KLHL1: variants seen among roughly 807,000 people sequenced by gnomAD.
KLHL1 encodes kelch-like protein 1.
A neutral mutation model predicts 77.7 loss-of-function variants in KLHL1; 47 were observed. The observed-to-expected ratio is 0.60, with a 90% CI of 0.48 to 0.77. The LOEUF is 0.77. KLHL1 is among the 30% of genes least tolerant of loss of function. The pLI, the probability that KLHL1 is intolerant of heterozygous loss-of-function variation, is 0.00. For synonymous variants in KLHL1, 360 were observed against 325.2 expected (o/e 1.11, Z -1.15); for missense variants, 925 against 910.8 (o/e 1.02, Z -0.20).
intron 1 of KLHL1, among the ~76,000 whole-genome samples, chr13:70,072,364 A>C (rs1593720292): frequency 6.6e-6 from 1 of 152,286 alleles, no homozygotes; most frequent in East Asian, 1.9e-4. Context: ...CTAAATAGTT[A>C]AGGTAGAAAT....
chr13:70,099,830 T>G (rs1443509976), intron 1 of KLHL1, among the ~76,000 whole-genome samples: 1 of 152,002 alleles, frequency 6.6e-6, no homozygotes, highest in Non-Finnish European at 1.5e-5. Context: ...GTTGTTAAAT[T>G]TTTTATATGG....
chr13:70,029,414 T>C (rs1056963235), intron 1 of KLHL1, among the ~76,000 whole-genome samples: 1 of 152,204 alleles, frequency 6.6e-6, no homozygotes. Flanking sequence ...ATTTCAGATG[T>C]TAGCTTCAGC....
intron 6 of KLHL1, among the ~76,000 whole-genome samples, chr13:69,815,066 A>C (rs542074821): frequency 2.7e-4 from 41 of 152,304 alleles, no homozygotes; most frequent in African/African-American, 8.9e-4. Context: ...CATATTGACA[A>C]GATTATGAAG....
chr13:69,945,296 C>A (rs1471137983), intron 3 of KLHL1, among the ~76,000 whole-genome samples: 1 of 151,790 alleles, frequency 6.6e-6, no homozygotes, highest in Non-Finnish European at 1.5e-5. Context: ...CATAACCAAA[C>A]TTTGTTAATT....
chr13:69,795,696 G>A (rs1208799335), intron 7 of KLHL1, among the ~76,000 whole-genome samples: 5 of 152,132 alleles, frequency 3.3e-5, no homozygotes, highest in African/African-American at 1.2e-4. Context: ...CCAAGGCTCA[G>A]TTTAAATGCT....
At chr13:69,931,048 C>T (rs901393561) in intron 4 of KLHL1, among the ~76,000 whole-genome samples, 3 of 147,980 alleles carry the variant, frequency 2.0e-5, no homozygotes, top group Admixed American at 2.0e-4. Flanking sequence ...TATATTCTTA[C>T]CCATATATCA....
intron 4 of KLHL1, among the ~76,000 whole-genome samples, chr13:69,935,148 T>C (rs1194244453): frequency 6.6e-6 from 1 of 151,658 alleles, no homozygotes; most frequent in African/African-American, 2.4e-5. Context: ...ATATCATTTC[T>C]ATTTTGTTCA....
At chr13:69,934,970 ATATATATATATATATATATG>A (rs1314319157) in intron 4 of KLHL1, among the ~76,000 whole-genome samples, 3 of 131,126 alleles carry the variant, frequency 2.3e-5, no homozygotes, top group East Asian at 2.1e-4. Flanking sequence ...GTGTATATAT[ATATATATATATATATATATG>A]TATATATATA....
At chr13:70,085,346 A>G (rs1887510585) in intron 1 of KLHL1, among the ~76,000 whole-genome samples, 2 of 152,174 alleles carry the variant, frequency 1.3e-5, no homozygotes, top group African/African-American at 4.8e-5. Flanking sequence ...TCATCACAAG[A>G]ACCAAAGTAC....
chr13:69,853,971 T>A (rs1029182352), intron 5 of KLHL1, among the ~76,000 whole-genome samples: 2 of 151,208 alleles, frequency 1.3e-5, no homozygotes, highest in Non-Finnish European at 2.9e-5. Flanking sequence ...TTCTCATAGA[T>A]TTATAAAACC....
At chr13:69,916,604 G>T (rs1379544467) in intron 4 of KLHL1, among the ~76,000 whole-genome samples, 1 of 152,040 alleles carries the variant, frequency 6.6e-6, no homozygotes, top group East Asian at 1.9e-4. Flanking sequence ...GTGGGGGGAA[G>T]GGGGAGGGAT....
At chr13:69,930,890 T>C (rs917204827) in intron 4 of KLHL1, among the ~76,000 whole-genome samples, 4 of 151,676 alleles carry the variant, frequency 2.6e-5, no homozygotes, top group Non-Finnish European at 5.9e-5. Context: ...TATGCATATA[T>C]GCGTTAATCA....
chr13:70,063,633 A>G (rs1886942906), intron 1 of KLHL1, among the ~76,000 whole-genome samples: 1 of 152,114 alleles, frequency 6.6e-6, no homozygotes, highest in Non-Finnish European at 1.5e-5. Flanking sequence ...TGATTTTACA[A>G]TGCATTAATC....
At position 69,704,489 on chromosome 13, in the gene KLHL1, G is replaced by A. The variant is rs140486064; in HGVS notation, c.2188-2728C>T. On this transcript the variant is annotated intron_variant, in intron 10 of 10. Coordinates refer to ENST00000377844, the MANE Select transcript of KLHL1 (RefSeq NM_020866.3). ...TCTTCCTCTGGCTCTTACCAATGAT[G>A]TTCCTTAAGCCAAAGCACTCCACAT... Among the ~76,000 whole-genome samples, 72 of 151,718 alleles carry A rather than the reference G, an allele frequency of 4.7e-4. 1 individual carries two copies. The highest frequency in any genetic ancestry group is 2.7e-3 in the East Asian group (14 of 5,164).
intron 9 of KLHL1, among the ~76,000 whole-genome samples, chr13:69,708,647 A>G: frequency 6.6e-6 from 1 of 152,008 alleles, no homozygotes; most frequent in East Asian, 1.9e-4. Context: ...AAATTTGATA[A>G]CCATATACTA....
intron 4 of KLHL1, among the ~76,000 whole-genome samples, chr13:69,909,151 A>G (rs933952177): frequency 7.9e-5 from 12 of 151,128 alleles, no homozygotes; most frequent in Non-Finnish European, 1.8e-4. Flanking sequence ...AAATAAGTGG[A>G]TGCTCAAGAC....
chr13:69,780,708 A>ATG lies in KLHL1; in HGVS notation c.1639+16029_1639+16030insCA, dbSNP rs1566243591. ...TTCATATATATATATATATGTATAT[A>ATG]TATATATGTATATATATATATATAC... is the stretch of plus-strand genomic sequence containing the variant. On this transcript the variant is annotated intron_variant, in intron 7 of 10. Coordinates refer to ENST00000377844, the MANE Select transcript of KLHL1 (RefSeq NM_020866.3). Among the ~76,000 whole-genome samples, 169 of 50,808 alleles carry ATG rather than the reference A, an allele frequency of 3.3e-3. 8 individuals are homozygous for ATG. Among genetic ancestry groups the ATG allele is most frequent in the Middle Eastern group, 0.022 (2 of 92 alleles). 33.3% of individuals were successfully genotyped at this position (50,808 alleles called of 152,430 possible).
intron 1 of KLHL1, among the ~76,000 whole-genome samples, chr13:70,020,857 AC>A (rs1464991798): frequency 6.6e-6 from 1 of 151,894 alleles, no homozygotes; most frequent in East Asian, 1.9e-4. Flanking sequence ...TCTATTTTTT[AC>A]TTTATATATA....
intron 9 of KLHL1, among the ~76,000 whole-genome samples, chr13:69,710,335 G>T (rs1047033751): frequency 5.3e-5 from 8 of 151,884 alleles, no homozygotes; most frequent in African/African-American, 1.7e-4. Context: ...TAATGCGTTT[G>T]TTGGAAAATA....
Sources: allele counts gnomAD v4.1 joint callset (sites outside exome capture counted in the v4.1 genomes callset), GRCh38; gene constraint gnomAD v4.1.1; transcripts MANE v1.5; gene names NCBI Gene and HGNC (gene_info 2026-07-23, HGNC 2026-07-21).